Variants in APOL5 observed in about 807,000 individuals in gnomAD.
The protein encoded by APOL5 is apolipoprotein L, 5.
In APOL5, 29 loss-of-function variants were observed where a neutral mutation model predicts 35.5. The ratio of observed to expected loss-of-function variants is 0.82; its 90% CI spans 0.61 to 1.11. The LOEUF is 1.11. APOL5 is among the 50% of genes most tolerant of loss of function. The pLI, the probability that APOL5 is intolerant of heterozygous loss-of-function variation, is 0.00. For synonymous variants in APOL5, 188 were observed against 200.2 expected (o/e 0.94, Z 0.51); for missense variants, 514 against 530.4 (o/e 0.97, Z 0.30).
intron 2 of APOL5, among the ~76,000 whole-genome samples, chr22:35,724,906 C>T (rs182898533): frequency 2.6e-4 from 39 of 152,084 alleles, no homozygotes; most frequent in Non-Finnish European, 3.2e-4. Flanking sequence ...CCACCGTGCC[C>T]GGCCTTGTAT....
the APOL5 span, among the ~76,000 whole-genome samples, chr22:35,709,110 G>A: frequency 1.1e-4 from 17 of 152,252 alleles, no homozygotes; most frequent in African/African-American, 3.4e-4. Context: ...ACCATGGGTG[G>A]TGGACTTGAA....
upstream of APOL5, among the ~76,000 whole-genome samples, chr22:35,717,233 A>T (rs867261886): frequency 0.078 from 2,913 of 37,250 alleles, 155 homozygotes; most frequent in Non-Finnish European, 0.1. Context: ...AAAAAAAAAA[A>T]AAATATATAT....
chr22:35,709,186 C>T, the APOL5 span, among the ~76,000 whole-genome samples: 1 of 152,146 alleles, frequency 6.6e-6, no homozygotes, highest in African/African-American at 2.4e-5. Context: ...ACATGCAAAA[C>T]GTATGCATAT....
the APOL5 span, among the ~76,000 whole-genome samples, chr22:35,711,300 C>T: frequency 6.6e-6 from 1 of 152,192 alleles, no homozygotes; most frequent in East Asian, 1.9e-4. Context: ...GGACAGTTGG[C>T]TTGTTTCCAC....
At position 35,728,343 on chromosome 22, in the gene APOL5, T is replaced by C. The variant is rs1045575619; in HGVS notation, c.1127-380T>C. Among the ~76,000 whole-genome samples, 68 of 152,122 alleles carry C rather than the reference T, an allele frequency of 4.5e-4. 1 individual carries two copies. The South Asian group carries it at 6.2e-3, about 14-fold the overall frequency. On this transcript the variant is annotated intron_variant, in intron 3 of 4. Coordinates refer to ENST00000249044, the MANE Select transcript of APOL5 (RefSeq NM_030642.1). The stretch of plus-strand genomic sequence containing the variant: ...GGTTCACGCCATTCTCCTGCCTCAA[T>C]CCCCCGAGTAGCTGGGACTACAGGC...
At position 35,720,655 on chromosome 22, in the gene APOL5, G is replaced by C; in HGVS notation, c.142+1G>C. 2 of 1,605,750 alleles carry C rather than the reference G, an allele frequency of 1.2e-6. No homozygotes were observed. The highest frequency in any genetic ancestry group is 1.7e-6 in the Non-Finnish European group (2 of 1,172,964). ...GGGAAGTCCCCAGAACCTGAGTTCCGTGAGGGCAGAGAACAGGCTGTTATG... is the reference window on the plus strand; with the variant it reads ...GGGAAGTCCCCAGAACCTGAGTTCCCTGAGGGCAGAGAACAGGCTGTTATG... On this transcript the variant is annotated splice_donor_variant, in intron 2 of 4. Transcript: ENST00000249044. LOFTEE classifies it high-confidence loss of function.
chr22:35,711,644 T>TTCCTTCCTTCCTTCCC, the APOL5 span, among the ~76,000 whole-genome samples: 1 of 145,440 alleles, frequency 6.9e-6, no homozygotes, highest in South Asian at 2.3e-4. Context: ...CCTTCCTTCC[T>TTCCTTCCTTCCTTCCC]TCCCTCCCTC....
At chr22:35,720,723 G>A (rs1926942025) in intron 2 of APOL5, 69 bp downstream of exon 2, 21 of 1,121,340 alleles carry the variant, frequency 1.9e-5, no homozygotes, top group Non-Finnish European at 2.8e-5. Context: ...GTCTGTCACA[G>A]ACCCAGCACT....
chr22:35,712,773 A>T, the APOL5 span, among the ~76,000 whole-genome samples: 1 of 152,190 alleles, frequency 6.6e-6, no homozygotes, highest in Non-Finnish European at 1.5e-5. Context: ...ACTGTTCTTT[A>T]TGACCTGGGC....
rs1204335001 is a variant in APOL5 at position 35,729,405 on chromosome 22, T to C, written c.*58T>C. On this transcript the variant is annotated 3_prime_UTR_variant, in exon 5 of 5. Coordinates refer to ENST00000249044, the MANE Select transcript of APOL5 (RefSeq NM_030642.1). The stretch of plus-strand genomic sequence containing the variant: ...TGATTTAACAGAGGCAAAATGCAAG[T>C]CTTCCCTGAAGAATACTGGGGGTAG... The C allele has an allele frequency of 6.6e-6, 1 of 152,344 alleles. No individual in the cohort carries two copies. The highest frequency in any genetic ancestry group is 1.5e-5 in the Non-Finnish European group (1 of 68,260). 9.4% of individuals were successfully genotyped at this position (152,344 alleles called of 1,614,324 possible).
At chr22:35,724,076 T>G (rs1209193859) in intron 2 of APOL5, among the ~76,000 whole-genome samples, 1 of 152,102 alleles carries the variant, frequency 6.6e-6, no homozygotes, top group South Asian at 2.1e-4. Flanking sequence ...ATCCCCAAAC[T>G]TTTGCTTTGG....
intron 2 of APOL5, 26 bp downstream of exon 2, chr22:35,720,680 GC>G: frequency 6.7e-7 from 1 of 1,494,182 alleles, no homozygotes; most frequent in Non-Finnish European, 9.3e-7. Context: ...AGGCTGTTAT[GC>G]TTATGGCCAC....
chr22:35,714,037 C>T (rs146847182), upstream of APOL5, among the ~76,000 whole-genome samples: 15 of 152,260 alleles, frequency 9.9e-5, no homozygotes, highest in African/African-American at 2.6e-4. Context: ...GTTGGCCGGG[C>T]GCGGTGGCTC....
upstream of APOL5, chr22:35,717,809 C>A (rs974145681): frequency 2.7e-5 from 31 of 1,138,582 alleles, no homozygotes; most frequent in Non-Finnish European, 3.6e-5. Flanking sequence ...AGGTTTCAGG[C>A]ATGGAGAAGG....
chr22:35,724,076 T>A (rs1209193859), intron 2 of APOL5, among the ~76,000 whole-genome samples: 2 of 152,102 alleles, frequency 1.3e-5, no homozygotes, highest in African/African-American at 4.8e-5. Flanking sequence ...ATCCCCAAAC[T>A]TTTGCTTTGG....
upstream of APOL5, among the ~76,000 whole-genome samples, chr22:35,713,085 G>C (rs1926637993): frequency 6.6e-6 from 1 of 152,206 alleles, no homozygotes; most frequent in African/African-American, 2.4e-5. Flanking sequence ...GCCTTGAAGA[G>C]AGGCTTTTCT....
At chr22:35,709,221 G>A in the APOL5 span, among the ~76,000 whole-genome samples, 1 of 152,122 alleles carries the variant, frequency 6.6e-6, no homozygotes, top group Non-Finnish European at 1.5e-5. Flanking sequence ...AAAAGCTAAT[G>A]CGATATAATC....
the APOL5 span, among the ~76,000 whole-genome samples, chr22:35,709,522 T>C: frequency 6.6e-6 from 1 of 152,242 alleles, no homozygotes; most frequent in Non-Finnish European, 1.5e-5. Flanking sequence ...ATCTGAAATC[T>C]AGTAACTTCA....
the APOL5 span, among the ~76,000 whole-genome samples, chr22:35,709,780 T>G: frequency 2.6e-5 from 4 of 152,196 alleles, 1 homozygote; most frequent in South Asian, 8.3e-4. Context: ...CTATATCTTT[T>G]TTTTTAATAG....
Sources: allele counts gnomAD v4.1 joint callset (sites outside exome capture counted in the v4.1 genomes callset), GRCh38; gene constraint gnomAD v4.1.1; transcripts MANE v1.5; gene names NCBI Gene and HGNC (gene_info 2026-07-23, HGNC 2026-07-21).